The following ABCG1 variants were observed in gnomAD, a reference collection of about 807,000 sequenced individuals.
The protein encoded by ABCG1 is ATP-binding cassette sub-family G member 1.
ABCG1 carries 29 observed loss-of-function variants against 69.2 expected under a neutral mutation model. That is an observed-to-expected ratio of 0.42 (90% CI 0.31 to 0.57). The LOEUF (loss-of-function observed/expected upper bound fraction) is 0.57, where lower values mean the gene tolerates loss of function less well. Among genes scored for constraint, ABCG1 ranks in the 20% least tolerant of loss-of-function variants. The pLI is 0.15. For synonymous variants in ABCG1, 370 were observed against 374.8 expected, an observed-to-expected ratio of 0.99 and a Z score of 0.15; for missense variants, 718 against 898.1, an observed-to-expected ratio of 0.80 and a Z score of 2.56.
chr21:42,242,246 A>G (rs1293379791), intron 2 of ABCG1, among the ~76,000 whole-genome samples: 2 of 152,222 alleles, frequency 1.3e-5, no homozygotes, highest in African/African-American at 4.8e-5. Context: ...GCTCAGGCCT[A>G]TAACCCCAGT....
chr21:42,284,547 T>C lies in ABCG1; in HGVS notation c.735-13T>C, dbSNP rs1264776147. The C allele has an allele frequency of 6.2e-7, 1 of 1,612,220 alleles. No individual in the cohort carries two copies. The highest frequency in any genetic ancestry group is 8.5e-7 in the Non-Finnish European group (1 of 1,179,896). ...CCGCCCGCAGGCGTCTCACGGTGCC[T>C]CTTGACTTGCAGCGGCCTGGACAGC... On this transcript the variant is annotated splice_polypyrimidine_tract_variant and intron_variant, in intron 6 of 14. Transcript: ENST00000398449.
intron 2 of ABCG1, among the ~76,000 whole-genome samples, chr21:42,241,510 C>A (rs112423000): frequency 0.031 from 4,710 of 151,420 alleles, 130 homozygotes; most frequent in Middle Eastern, 0.048. Context: ...GAGGCCGAGG[C>A]ACAAGAATCA....
At chr21:42,216,827 G>A (rs564304165), upstream of ABCG1, among the ~76,000 whole-genome samples, 47 of 152,334 alleles carry the variant, frequency 3.1e-4, no homozygotes, top group Admixed American at 2.0e-3. Flanking sequence ...CCGATCGGGC[G>A]CTGGAGGGGA....
intron 2 of ABCG1, among the ~76,000 whole-genome samples, chr21:42,233,334 G>A (rs1358522633): frequency 6.6e-6 from 1 of 152,164 alleles, no homozygotes; most frequent in Non-Finnish European, 1.5e-5. Context: ...AAGGAGTCGT[G>A]CTGCCGTAGC....
intron 2 of ABCG1, among the ~76,000 whole-genome samples, chr21:42,229,667 T>C (rs112515322): frequency 0.023 from 3,415 of 151,598 alleles, 118 homozygotes; most frequent in African/African-American, 0.078. Flanking sequence ...TTGCAGTGAG[T>C]CGGGATCGTA....
In ABCG1 at chr21:42,285,930, T is replaced by C. The variant is rs1321276809; in HGVS notation, c.909T>C (p.Asn303=). 6.2e-7 allele frequency: 1 copy of C among 1,614,132 alleles called. No individual in the cohort carries two copies. Among genetic ancestry groups the C allele is most frequent in the Non-Finnish European group, 8.5e-7 (1 of 1,180,032 alleles). The part of the protein sequence containing the change: ...GQCVYRGKVC[N]LVPYLRDLGL... ...GTGTGTACCGGGGAAAAGTCTGCAA[T>C]CTTGTGCCATATTTGAGGGATTTGG... is the stretch of plus-strand genomic sequence containing the variant. Residue 303 remains asparagine (N), a synonymous_variant, in exon 8 of 15, where the codon AAT becomes AAC. Coordinates refer to ENST00000398449, the MANE Select transcript of ABCG1 (RefSeq NM_016818.3).
Position 42,291,802 on chromosome 21 carries a change from A to G in ABCG1, c.1653+146A>G, listed in dbSNP as rs1391257671. ...GGTCGTTCCCACGGGAAGGGCCCGC[A>G]TTGTCGAGGGTCAGGATCAGCTGGC... On this transcript the variant is annotated intron_variant, in intron 13 of 14. Coordinates refer to ENST00000398449, the MANE Select transcript of ABCG1 (RefSeq NM_016818.3). The surrounding 1 kb of genome is among the most constrained non-coding windows in gnomAD (Gnocchi z 6.4). 3.9e-6 allele frequency: 4 copies of G among 1,022,602 alleles called. No individual in the cohort carries two copies. Among genetic ancestry groups the G allele is most frequent in the Non-Finnish European group, 5.5e-6 (4 of 727,750 alleles). 63.3% of individuals were successfully genotyped at this position (1,022,602 alleles called of 1,614,324 possible).
chr21:42,292,122 C>G (rs547200652), intron 13 of ABCG1, among the ~76,000 whole-genome samples: 1 of 152,156 alleles, frequency 6.6e-6, no homozygotes. Context: ...CCCTGCCCCC[C>G]GACCTGCCGC....
chr21:42,288,154 A>G lies in ABCG1; in HGVS notation c.1123-57A>G. On this transcript the variant is annotated intron_variant, in intron 9 of 14. Transcript: ENST00000398449. The surrounding 1 kb of genome is among the most constrained non-coding windows in gnomAD (Gnocchi z 4.8). ...TGCATGAGAGCTCTTTCCGAGCAAG[A>G]AGGAGCCGTGGCTCCGGACTGGCTT... is the stretch of plus-strand genomic sequence containing the variant. 2 of 1,611,478 alleles carry G rather than the reference A, an allele frequency of 1.2e-6. No homozygotes were observed. The highest frequency in any genetic ancestry group is 1.1e-5 in the South Asian group (1 of 91,022).
At chr21:42,295,066 A>C (rs34234921) in intron 14 of ABCG1, 6,199 of 182,230 alleles carry the variant, frequency 0.034, 158 homozygotes, top group Middle Eastern at 0.078. Context: ...CATGTCTGTA[A>C]TCCCAGCACT....
intron 2 of ABCG1, among the ~76,000 whole-genome samples, chr21:42,244,038 C>T (rs1169731144): frequency 6.6e-6 from 1 of 152,118 alleles, no homozygotes; most frequent in Non-Finnish European, 1.5e-5. Flanking sequence ...CCAGGATGGT[C>T]TCAATCTCCT....
At position 42,284,703 on chromosome 21, in the gene ABCG1, T is replaced by G. The variant is rs2068905479; in HGVS notation, c.858+20T>G. 1.9e-6 allele frequency: 3 copies of G among 1,609,542 alleles called. No homozygotes were observed. The African/African-American group carries it at 4.0e-5, about 21-fold the overall frequency. On this transcript the variant is annotated intron_variant, in intron 7 of 14. Transcript: ENST00000398449. ...GACCAGGTACGCGGGCCCCGGGCCC[T>G]CCCCGCCAGATTACCACTGCACTCA...
At chr21:42,265,605 G>A (rs951335248) in intron 2 of ABCG1, among the ~76,000 whole-genome samples, 7 of 152,174 alleles carry the variant, frequency 4.6e-5, no homozygotes, top group African/African-American at 7.2e-5. Context: ...GGGGGAGCAC[G>A]GCCCTGAGGG....
rs115480255 is a variant in ABCG1 at position 42,205,250 on chromosome 21, G to C, written c.48+3527G>C. 5.4e-3 allele frequency among the ~76,000 whole-genome samples: 817 copies of C among 152,200 alleles called. 7 individuals carry two copies. Among genetic ancestry groups the C allele is most frequent in the African/African-American group, 0.019 (782 of 41,512 alleles). On this transcript the variant is annotated intron_variant, in intron 2 of 15. Coordinates refer to the ABCG1 transcript ENST00000398457. ...GTCGCTTGCTCCATCCCTAATATCAGTAATTTGTATCTTCTCTGTTTTTCC... is the reference window on the plus strand; with the variant it reads ...GTCGCTTGCTCCATCCCTAATATCACTAATTTGTATCTTCTCTGTTTTTCC...
chr21:42,257,430 T>C (rs1270598313), intron 2 of ABCG1, among the ~76,000 whole-genome samples: 1 of 152,254 alleles, frequency 6.6e-6, no homozygotes, highest in African/African-American at 2.4e-5. Flanking sequence ...GACTGGTGAC[T>C]ACAAACAGTG....
At chr21:42,233,914 C>T (rs552106654) in intron 2 of ABCG1, among the ~76,000 whole-genome samples, 3 of 152,354 alleles carry the variant, frequency 2.0e-5, no homozygotes, top group Admixed American at 1.3e-4. Context: ...CCAAAAAAGT[C>T]CCCCTCTCTG....
At position 42,265,506 on chromosome 21, in the gene ABCG1, GA is replaced by G. The variant is rs554191625; in HGVS notation, c.287-5563del. 3.6e-3 allele frequency among the ~76,000 whole-genome samples: 545 copies of G among 152,298 alleles called. 8 individuals are homozygous for G. The highest frequency in any genetic ancestry group is 0.013 in the African/African-American group (528 of 41,560). Reference sequence around the variant, plus strand: ...GAGAGGCCCATGCGCAGACAGAGGAGAGATCAAAGGGAGGCAGCCACGAGTC... The same window carrying G: ...GAGAGGCCCATGCGCAGACAGAGGAGGATCAAAGGGAGGCAGCCACGAGTC... On this transcript the variant is annotated intron_variant, in intron 2 of 14. Transcript: ENST00000398449.
rs145425526 is a variant in ABCG1 at position 42,273,426 on chromosome 21, G to A, written c.528G>A (p.Glu176=). 11 of 1,613,652 alleles carry A rather than the reference G, an allele frequency of 6.8e-6. No individual in the cohort carries two copies. Among genetic ancestry groups the A allele is most frequent in the Non-Finnish European group, 7.6e-6 (9 of 1,179,842 alleles). The change falls in exon 4 of 15, where the codon GAG becomes GAA. Residue 176 remains glutamate (E), a synonymous_variant. Transcript: ENST00000398449. This position sits in a 1 kb window ranked among gnomAD's most constrained non-coding sequence, Gnocchi z 5.3. ...DMLLPHLTVQ[E]AMMVSAHLKL... Reference sequence around the variant, plus strand: ...TGCTGCCGCATCTCACTGTGCAGGAGGCCATGATGGTGAGCTCCGCCCTGC... The same window carrying A: ...TGCTGCCGCATCTCACTGTGCAGGAAGCCATGATGGTGAGCTCCGCCCTGC...
chr21:42,252,075 C>G (rs1035454776), intron 2 of ABCG1, among the ~76,000 whole-genome samples: 1 of 152,210 alleles, frequency 6.6e-6, no homozygotes, highest in African/African-American at 2.4e-5. Flanking sequence ...AAGCTCTCCC[C>G]GCAATGCTTC....
Sources: gnomAD v4.1 joint callset for allele counts (sites outside exome capture counted in the v4.1 genomes callset) on GRCh38, gnomAD v4.1.1 for gene constraint, Gnocchi (gnomAD v3.1) non-coding constraint, MANE v1.5 for transcripts, NCBI Gene and HGNC (gene_info 2026-07-23, HGNC 2026-07-21) for gene names.